Variants in PCDHB16 observed in about 807,000 individuals in gnomAD.
PCDHB16 encodes protocadherin beta 16.
For missense variants in PCDHB16, 1,026 were observed against 989.9 expected (o/e 1.04, Z -0.49); for synonymous variants, 444 against 436.5 (o/e 1.02, Z -0.21).
chr5:141,182,489 C>A lies in PCDHB16; in HGVS notation c.-71C>A. The A allele has an allele frequency of 7.2e-7, 1 of 1,382,998 alleles. No homozygotes were observed. Among genetic ancestry groups the A allele is most frequent in the Non-Finnish European group, 9.8e-7 (1 of 1,024,292 alleles). The allele number at this position is 1,382,998 out of a possible 1,614,324, so 85.7% of individuals were successfully genotyped here. ...GGCTGCTTGGTTCTGACATTCTGGA[C>A]TGCAAAACAGTTCTACTAGGATCCT... On this transcript the variant is annotated 5_prime_UTR_variant, in exon 1 of 1. In the 5' UTR this introduces an upstream ATG that the reference lacks. Transcript: ENST00000609684.
Position 141,183,273 on chromosome 5 carries a change from C to A in PCDHB16, c.714C>A (p.Asn238Lys). The change falls in exon 1 of 1, where the codon AAC becomes AAA. Residue 238 changes from asparagine to lysine, a missense_variant. Coordinates refer to ENST00000609684, the MANE Select transcript of PCDHB16 (RefSeq NM_020957.4). The stretch of plus-strand genomic sequence containing the variant: ...TTGAAGTGGTGGACATCAATGATAA[C>A]GCTCCTGAGTTTGAGCAGCCCATCT... ...VRIEVVDIND[N>K]APEFEQPIYK... is the part of the protein sequence containing the mutation. The A allele has an allele frequency of 6.2e-7, 1 of 1,614,174 alleles. No individual in the cohort carries two copies. Among genetic ancestry groups the A allele is most frequent in the Non-Finnish European group, 8.5e-7 (1 of 1,180,028 alleles).
rs1554282587 is a variant in PCDHB16 at position 141,185,858 on chromosome 5, A to G, written c.*968A>G. The G allele has an allele frequency of 1.0e-6, 1 of 992,464 alleles. No homozygotes were observed. The highest frequency in any genetic ancestry group is 1.1e-4 in the East Asian group (1 of 8,790). The allele number at this position is 992,464 out of a possible 1,614,324, so 61.5% of individuals were successfully genotyped here. On this transcript the variant is annotated 3_prime_UTR_variant, in exon 1 of 1. Coordinates refer to ENST00000609684, the MANE Select transcript of PCDHB16 (RefSeq NM_020957.4). ...TCTTTAACCAGCCTTATCTAAAAAT[A>G]AAAAGAGAAGCCATTGTAAGACATT... is the stretch of plus-strand genomic sequence containing the variant.
Position 141,185,255 on chromosome 5 carries a change from T to G in PCDHB16, c.*365T>G, listed in dbSNP as rs937601438. 2.2e-5 allele frequency: 22 copies of G among 986,568 alleles called. No individual in the cohort carries two copies. In the South Asian group the frequency reaches 6.7e-4, roughly 30 times the overall value. The allele number at this position is 986,568 out of a possible 1,614,324, so 61.1% of individuals were successfully genotyped here. On this transcript the variant is annotated 3_prime_UTR_variant, in exon 1 of 1. Transcript: ENST00000609684. The stretch of plus-strand genomic sequence containing the variant: ...TGTTACTTCTCAGTTTCCTAGAACT[T>G]CAAGTATTAAAATAACCTGTTGCAT...
In PCDHB16 at chr5:141,182,671, G is replaced by T. The variant is rs868909695; in HGVS notation, c.112G>T (p.Glu38Ter). The T allele has an allele frequency of 1.2e-6, 2 of 1,608,834 alleles. No individual in the cohort carries two copies. Among genetic ancestry groups the T allele is most frequent in the Non-Finnish European group, 1.7e-6 (2 of 1,177,330 alleles). ...GTTGGGGTCCTATTCCGTAGTGGAA[G>T]AAACGGAGAGAGGCTCTTTTGTGGC... ...AELGSYSVVEETERGSFVANL... is the reference protein window; with the variant it reads ...AELGSYSVVE Residue 38 changes from glutamate to a stop codon, truncating the protein, a stop_gained, in exon 1 of 1, where the codon GAA (glutamate) becomes TAA (stop). Coordinates refer to ENST00000609684, the MANE Select transcript of PCDHB16 (RefSeq NM_020957.4). LOFTEE classifies it low-confidence loss of function (END_TRUNC).
Position 141,186,087 on chromosome 5 carries a change from A to C in PCDHB16, c.*1197A>C. ...ATGGTTTGGCTTTTATATTCATCAT[A>C]GTATACATTGGCGGTATCTAGCCCT... On this transcript the variant is annotated 3_prime_UTR_variant, in exon 1 of 1. Transcript: ENST00000609684. 1.0e-6 allele frequency: 1 copy of C among 999,684 alleles called. No individual in the cohort carries two copies. Among genetic ancestry groups the C allele is most frequent in the Non-Finnish European group, 1.2e-6 (1 of 829,502 alleles). The allele number at this position is 999,684 out of a possible 1,614,324, so 61.9% of individuals were successfully genotyped here.
Position 141,182,508 on chromosome 5 carries a change from G to C in PCDHB16, c.-52G>C, listed in dbSNP as rs1753588465. ...TCTGGACTGCAAAACAGTTCTACTAGGATCCTGGGGATACATGAAGCTTCT... is the reference window on the plus strand; with the variant it reads ...TCTGGACTGCAAAACAGTTCTACTACGATCCTGGGGATACATGAAGCTTCT... On this transcript the variant is annotated 5_prime_UTR_variant, in exon 1 of 1. Coordinates refer to ENST00000609684, the MANE Select transcript of PCDHB16 (RefSeq NM_020957.4). 6.1e-6 allele frequency: 9 copies of C among 1,471,986 alleles called. No individual in the cohort carries two copies. The highest frequency in any genetic ancestry group is 2.7e-6 in the Non-Finnish European group (3 of 1,098,582). 91.2% of individuals were successfully genotyped at this position (1,471,986 alleles called of 1,614,324 possible). A position where few individuals can be genotyped will look rare whatever the true frequency, so the allele number is the denominator to read the frequency against.
Position 141,184,991 on chromosome 5 carries a change from T to C in PCDHB16, c.*101T>C. On this transcript the variant is annotated 3_prime_UTR_variant, in exon 1 of 1. Transcript: ENST00000609684. ...TGATAAATTCCTTAACTTCTTATGATTGTCTTGTTGATTAAATTGTTCATG... is the reference window on the plus strand; with the variant it reads ...TGATAAATTCCTTAACTTCTTATGACTGTCTTGTTGATTAAATTGTTCATG... 6.7e-7 allele frequency: 1 copy of C among 1,495,124 alleles called. No homozygotes were observed. The highest frequency in any genetic ancestry group is 1.4e-5 in the African/African-American group (1 of 71,200). The allele number at this position is 1,495,124 out of a possible 1,614,324, so 92.6% of individuals were successfully genotyped here.
rs1753730606 is a variant in PCDHB16 at position 141,186,202 on chromosome 5, A to G, written c.*1312A>G. 2.0e-6 allele frequency: 2 copies of G among 991,324 alleles called. No homozygotes were observed. The highest frequency in any genetic ancestry group is 2.4e-6 in the Non-Finnish European group (2 of 822,200). The allele number at this position is 991,324 out of a possible 1,614,324, so 61.4% of individuals were successfully genotyped here. Reference sequence around the variant, plus strand: ...CTTTCTAGATATTAGGCCTTTGAATAAAATTCTATGTGAGTCAGATTTAAT... The same window carrying G: ...CTTTCTAGATATTAGGCCTTTGAATGAAATTCTATGTGAGTCAGATTTAAT... On this transcript the variant is annotated 3_prime_UTR_variant, in exon 1 of 1. Coordinates refer to ENST00000609684, the MANE Select transcript of PCDHB16 (RefSeq NM_020957.4).
chr5:141,183,163 C>A lies in PCDHB16; in HGVS notation c.604C>A (p.Arg202=). The stretch of plus-strand genomic sequence containing the variant: ...GCTAGTGTTGGATAAAGAGCTGGAT[C>A]GGGAGGAGGAGCCTCAACTAAGATT... The part of the protein sequence containing the change: ...PELVLDKELD[R]EEEPQLRLTL... Residue 202 remains arginine (R), a synonymous_variant, in exon 1 of 1, where the codon CGG becomes AGG. Coordinates refer to ENST00000609684, the MANE Select transcript of PCDHB16 (RefSeq NM_020957.4). 6.2e-7 allele frequency: 1 copy of A among 1,614,174 alleles called. No homozygotes were observed. Among genetic ancestry groups the A allele is most frequent in the Admixed American group, 1.7e-5 (1 of 60,024 alleles).
rs782521205 is a variant in PCDHB16, at chr5:141,184,524, C to G, written c.1965C>G (p.Thr655=). 1.9e-6 allele frequency: 3 copies of G among 1,609,834 alleles called. No homozygotes were observed. Among genetic ancestry groups the G allele is most frequent in the Non-Finnish European group, 2.5e-6 (3 of 1,179,684 alleles). The stretch of plus-strand genomic sequence containing the variant: ...ATGGCGAGCCTCCGCGCTCGGCCAC[C>G]GCCACGCTGCACGTGCTCCTGGTGG... ...KDNGEPPRSA[T]ATLHVLLVDG... The change falls in exon 1 of 1, where the codon ACC becomes ACG. Residue 655 remains threonine, a synonymous_variant. Transcript: ENST00000609684.
chr5:141,183,986 C>A lies in PCDHB16; in HGVS notation c.1427C>A (p.Thr476Lys), dbSNP rs567602299. The A allele has an allele frequency of 2.2e-5, 35 of 1,611,598 alleles. No individual in the cohort carries two copies. In the East Asian group the frequency reaches 6.3e-4, roughly 29 times the overall value. The change falls in exon 1 of 1, where the codon ACA becomes AAA. Residue 476 changes from threonine to lysine, a missense_variant. By Grantham distance (78) the Thr-to-Lys change is moderately conservative. Coordinates refer to ENST00000609684, the MANE Select transcript of PCDHB16 (RefSeq NM_020957.4). Reference sequence around the variant, plus strand: ...CTGCACATCGGCAGCGTCAGCGCCACAGACAGAGACTCGGGCACCAACGCC... The same window carrying A: ...CTGCACATCGGCAGCGTCAGCGCCAAAGACAGAGACTCGGGCACCAACGCC... ...PALHIGSVSATDRDSGTNAQV... is the reference protein window; with the variant it reads ...PALHIGSVSAKDRDSGTNAQV...
Position 141,186,070 on chromosome 5 carries a change from G to A in PCDHB16, c.*1180G>A. 5.0e-6 allele frequency: 5 copies of A among 999,170 alleles called. No homozygotes were observed. Among genetic ancestry groups the A allele is most frequent in the Non-Finnish European group, 4.8e-6 (4 of 829,186 alleles). 61.9% of individuals were successfully genotyped at this position (999,170 alleles called of 1,614,324 possible). ...ATCAAAGAGACATTTACATGGTTTG[G>A]CTTTTATATTCATCATAGTATACAT... On this transcript the variant is annotated 3_prime_UTR_variant, in exon 1 of 1. Transcript: ENST00000609684.
chr5:141,183,292 C>A lies in PCDHB16; in HGVS notation c.733C>A (p.Pro245Thr). Residue 245 changes from proline to threonine, a missense_variant, in exon 1 of 1, where the codon CCC (proline) becomes ACC (threonine). Transcript: ENST00000609684. ...INDNAPEFEQ[P>T]IYKVQIPENS... ...TGATAACGCTCCTGAGTTTGAGCAGCCCATCTACAAAGTGCAGATTCCAGA... is the reference window on the plus strand; with the variant it reads ...TGATAACGCTCCTGAGTTTGAGCAGACCATCTACAAAGTGCAGATTCCAGA... The A allele has an allele frequency of 6.2e-7, 1 of 1,614,150 alleles. No individual in the cohort carries two copies. The highest frequency in any genetic ancestry group is 8.5e-7 in the Non-Finnish European group (1 of 1,180,002).
At position 141,182,502 on chromosome 5, in the gene PCDHB16, C is replaced by A; in HGVS notation, c.-58C>A. 1 of 1,455,080 alleles carries A rather than the reference C, an allele frequency of 6.9e-7. No homozygotes were observed. Among genetic ancestry groups the A allele is most frequent in the African/African-American group, 1.4e-5 (1 of 70,604 alleles). The allele number at this position is 1,455,080 out of a possible 1,614,324, so 90.1% of individuals were successfully genotyped here. A position where few individuals can be genotyped will look rare whatever the true frequency, so the allele number is the denominator to read the frequency against. On this transcript the variant is annotated 5_prime_UTR_variant, in exon 1 of 1. Transcript: ENST00000609684. ...TGACATTCTGGACTGCAAAACAGTTCTACTAGGATCCTGGGGATACATGAA... is the reference window on the plus strand; with the variant it reads ...TGACATTCTGGACTGCAAAACAGTTATACTAGGATCCTGGGGATACATGAA...
rs781858796 is a variant in PCDHB16, at chr5:141,182,682, A to T, written c.123A>T (p.Arg41Ser). 23 of 1,609,928 alleles carry T rather than the reference A, an allele frequency of 1.4e-5. No homozygotes were observed. Among genetic ancestry groups the T allele is most frequent in the Non-Finnish European group, 2.0e-5 (23 of 1,177,730 alleles). ...GSYSVVEETE[R>S]GSFVANLGKD... Reference sequence around the variant, plus strand: ...ATTCCGTAGTGGAAGAAACGGAGAGAGGCTCTTTTGTGGCAAATCTAGGAA... The same window carrying T: ...ATTCCGTAGTGGAAGAAACGGAGAGTGGCTCTTTTGTGGCAAATCTAGGAA... Residue 41 changes from arginine (R) to serine (S), a missense_variant, in exon 1 of 1, where the codon AGA becomes AGT. Coordinates refer to ENST00000609684, the MANE Select transcript of PCDHB16 (RefSeq NM_020957.4).
rs1244265805 is a variant in PCDHB16, at chr5:141,183,498, G to A, written c.939G>A (p.Thr313=). ...AGCAAGTAGATTTCGAAATGGTTAC[G>A]TCTTATGAAGTGCGCATCAAAGCCA... is the stretch of plus-strand genomic sequence containing the variant. The part of the protein sequence containing the change: ...LRKQVDFEMV[T]SYEVRIKATD... Residue 313 remains threonine, a synonymous_variant, in exon 1 of 1, where the codon ACG becomes ACA. Coordinates refer to ENST00000609684, the MANE Select transcript of PCDHB16 (RefSeq NM_020957.4). The A allele has an allele frequency of 2.5e-6, 4 of 1,614,086 alleles. No individual in the cohort carries two copies. The highest frequency in any genetic ancestry group is 4.5e-5 in the East Asian group (2 of 44,898).
In PCDHB16 at chr5:141,185,148, T is replaced by C. The variant is rs1554282515; in HGVS notation, c.*258T>C. 8.1e-7 allele frequency: 1 copy of C among 1,230,764 alleles called. No individual in the cohort carries two copies. The highest frequency in any genetic ancestry group is 2.9e-5 in the South Asian group (1 of 33,910). 76.2% of individuals were successfully genotyped at this position (1,230,764 alleles called of 1,614,324 possible). The stretch of plus-strand genomic sequence containing the variant: ...GAATCCCAATTAACAAAATATACTT[T>C]ATCTTCAAAGTTGATGTCATTTAAA... On this transcript the variant is annotated 3_prime_UTR_variant, in exon 1 of 1. Coordinates refer to ENST00000609684, the MANE Select transcript of PCDHB16 (RefSeq NM_020957.4).
rs1753687738 is a variant in PCDHB16 at position 141,185,010 on chromosome 5, G to T, written c.*120G>T. The stretch of plus-strand genomic sequence containing the variant: ...TTATGATTGTCTTGTTGATTAAATT[G>T]TTCATGCTCACCACCACCAATAAGG... On this transcript the variant is annotated 3_prime_UTR_variant, in exon 1 of 1. Transcript: ENST00000609684. The T allele has an allele frequency of 6.1e-6, 9 of 1,473,078 alleles. No homozygotes were observed. The highest frequency in any genetic ancestry group is 1.8e-4 in the Middle Eastern group (1 of 5,568). 91.3% of individuals were successfully genotyped at this position (1,473,078 alleles called of 1,614,324 possible).
chr5:141,186,194 C>T lies in PCDHB16; in HGVS notation c.*1304C>T, dbSNP rs1753730346. 3 of 991,148 alleles carry T rather than the reference C, an allele frequency of 3.0e-6. No homozygotes were observed. The highest frequency in any genetic ancestry group is 3.6e-6 in the Non-Finnish European group (3 of 822,322). The allele number at this position is 991,148 out of a possible 1,614,324, so 61.4% of individuals were successfully genotyped here. A position where few individuals can be genotyped will look rare whatever the true frequency, so the allele number is the denominator to read the frequency against. ...TTGAGCTTCTTTCTAGATATTAGGC[C>T]TTTGAATAAAATTCTATGTGAGTCA... is the stretch of plus-strand genomic sequence containing the variant. On this transcript the variant is annotated 3_prime_UTR_variant, in exon 1 of 1. Transcript: ENST00000609684.
Sources: allele counts gnomAD v4.1 joint callset, GRCh38; gene constraint gnomAD v4.1.1; transcripts MANE v1.5; gene names NCBI Gene and HGNC (gene_info 2026-07-23, HGNC 2026-07-21).